Variants in PEBP4 observed in about 807,000 individuals in gnomAD.
The protein encoded by PEBP4 is phosphatidylethanolamine-binding protein 4.
A neutral mutation model predicts 23.9 loss-of-function variants in PEBP4; 22 were observed. The ratio of observed to expected loss-of-function variants is 0.92; its 90% CI spans 0.66 to 1.31. The LOEUF is 1.31. Ranked by LOEUF, PEBP4 falls within the 40% of genes most tolerant of loss-of-function variation. PEBP4 has a pLI of 0.00. For synonymous variants in PEBP4, 112 were observed against 99.3 expected (o/e 1.13, Z -0.76); for missense variants, 324 against 281.7 (o/e 1.15, Z -1.07).
chr8:22,747,948 C>A (rs751935706), intron 4 of PEBP4, among the ~76,000 whole-genome samples: 4 of 152,176 alleles, frequency 2.6e-5, no homozygotes, highest in African/African-American at 4.8e-5. Flanking sequence ...TGGGTCCTGG[C>A]GCTGGAGGAG....
intron 3 of PEBP4, chr8:22,886,716 C>T (rs1170792455): frequency 6.6e-6 from 1 of 152,398 alleles, no homozygotes; most frequent in Non-Finnish European, 1.5e-5. Flanking sequence ...ACTCCTCACA[C>T]AGCAGCAACA....
At chr8:22,868,442 G>C (rs1364667616) in intron 3 of PEBP4, among the ~76,000 whole-genome samples, 1 of 152,040 alleles carries the variant, frequency 6.6e-6, no homozygotes, top group African/African-American at 2.4e-5. Flanking sequence ...GTAAGTCCTG[G>C]GTAGAGGTAG....
chr8:22,893,633 TAAC>T (rs1808538038), intron 3 of PEBP4, among the ~76,000 whole-genome samples: 1 of 152,184 alleles, frequency 6.6e-6, no homozygotes, highest in Non-Finnish European at 1.5e-5. Flanking sequence ...TTTGAAGAGA[TAAC>T]AATTTCATTG....
At chr8:22,930,278 G>A (rs1809434424), upstream of PEBP4, among the ~76,000 whole-genome samples, 1 of 152,314 alleles carries the variant, frequency 6.6e-6, no homozygotes, top group East Asian at 1.9e-4. Flanking sequence ...GGGGGTAGCT[G>A]AAATGTCGTT....
intron 3 of PEBP4, among the ~76,000 whole-genome samples, chr8:22,908,012 CA>C (rs35883467): frequency 0.085 from 11,827 of 139,864 alleles, 771 homozygotes; most frequent in African/African-American, 0.19. Flanking sequence ...GACCCTGTCT[CA>C]AAAAAAAAAA....
intron 4 of PEBP4, among the ~76,000 whole-genome samples, chr8:22,812,036 C>G (rs1162651644): frequency 6.6e-6 from 1 of 152,202 alleles, no homozygotes; most frequent in Non-Finnish European, 1.5e-5. Context: ...TTATCATGCC[C>G]ATTTTAATGA....
rs148545111 is a variant in PEBP4, at chr8:22,804,535, G to C, written c.357+13102C>G. On this transcript the variant is annotated intron_variant, in intron 4 of 6. Transcript: ENST00000256404. ...GATCCACCCTCTTTACAGTTTTTAA[G>C]TGTACAGTATGGTACTACTAAGTAT... 2.8e-3 allele frequency among the ~76,000 whole-genome samples: 431 copies of C among 151,890 alleles called. 1 individual carries two copies. Among genetic ancestry groups the C allele is most frequent in the Admixed American group, 6.8e-3 (103 of 15,226 alleles).
intron 3 of PEBP4, among the ~76,000 whole-genome samples, chr8:22,888,207 G>A (rs931398268): frequency 7.4e-5 from 11 of 148,554 alleles, no homozygotes; most frequent in Non-Finnish European, 1.6e-4. Flanking sequence ...AGGCTGGAGT[G>A]CAGTGGTATG....
At chr8:22,940,400 T>C (rs1325787947) in intron 1 of PEBP4, among the ~76,000 whole-genome samples, 2 of 151,920 alleles carry the variant, frequency 1.3e-5, no homozygotes, top group Admixed American at 6.6e-5. Context: ...AGAAACGCCA[T>C]GAAGAAAGTC....
Position 22,724,882 on chromosome 8 carries a change from T to C in PEBP4, c.478A>G (p.Lys160Glu), listed in dbSNP as rs1276872024. The change falls in exon 6 of 7, where the codon AAA becomes GAA. Residue 160 changes from lysine (K) to glutamate (E), a missense_variant. Lys to Glu is a moderately conservative substitution (Grantham distance 56). Transcript: ENST00000256404. Reference protein sequence around the residue: ...YQFFVYLQEGKVISLLPKENK... With the variant: ...YQFFVYLQEGEVISLLPKENK... ...TCCTTGGGAAGGAGAGAGATGACTT[T>C]TCCTTCCTGAAGATAGACAAAGAAC... 6.2e-7 allele frequency: 1 copy of C among 1,614,138 alleles called. No homozygotes were observed. Among genetic ancestry groups the C allele is most frequent in the Admixed American group, 1.7e-5 (1 of 60,024 alleles).
At chr8:22,726,204 TC>T (rs1804621277) in intron 5 of PEBP4, among the ~76,000 whole-genome samples, 1 of 152,148 alleles carries the variant, frequency 6.6e-6, no homozygotes, top group African/African-American at 2.4e-5. Flanking sequence ...GAGCATTTCT[TC>T]CTAAACACCG....
At chr8:22,732,432 T>A (rs1314427542) in intron 4 of PEBP4, among the ~76,000 whole-genome samples, 1 of 152,010 alleles carries the variant, frequency 6.6e-6, no homozygotes, top group African/African-American at 2.4e-5. Flanking sequence ...AGGGAGAACA[T>A]CAGGATAAAT....
chr8:22,830,113 T>TTGTGTGTGTGTGTGTGTGTGTGTG (rs3060706), intron 3 of PEBP4, among the ~76,000 whole-genome samples: 63 of 144,242 alleles, frequency 4.4e-4, no homozygotes, highest in African/African-American at 1.4e-3. Context: ...GGCTGTGGTT[T>TTGTGTGTGTGTGTGTGTGTGTGTG]TGTGTGTGTG....
intron 4 of PEBP4, among the ~76,000 whole-genome samples, chr8:22,795,119 A>ATG (rs386412296): frequency 0.053 from 6,857 of 128,210 alleles, 235 homozygotes; most frequent in African/African-American, 0.082. Flanking sequence ...TTTTATATAT[A>ATG]TGTGTGTATA....
intron 6 of PEBP4, among the ~76,000 whole-genome samples, chr8:22,722,201 G>T (rs1039926673): frequency 6.6e-6 from 1 of 151,406 alleles, no homozygotes; most frequent in African/African-American, 2.4e-5. Flanking sequence ...AAAATCTATG[G>T]TTTCTCCAAC....
chr8:22,856,593 T>C (rs1229560638), intron 3 of PEBP4, among the ~76,000 whole-genome samples: 1 of 152,130 alleles, frequency 6.6e-6, no homozygotes. Flanking sequence ...GGTGCATGCC[T>C]ATAATCTCAG....
intron 6 of PEBP4, among the ~76,000 whole-genome samples, chr8:22,723,860 TG>T (rs1804568703): frequency 6.6e-6 from 1 of 152,174 alleles, no homozygotes; most frequent in African/African-American, 2.4e-5. Flanking sequence ...TGTGCCTTTC[TG>T]GGCTCCATGT....
At chr8:22,880,058 T>C (rs1264827596) in intron 3 of PEBP4, among the ~76,000 whole-genome samples, 1 of 151,998 alleles carries the variant, frequency 6.6e-6, no homozygotes, top group African/African-American at 2.4e-5. Context: ...TGGCTTCAAG[T>C]GGGAATAGCT....
chr8:22,886,161 G>C (rs563942182), intron 3 of PEBP4: 3 of 152,180 alleles, frequency 2.0e-5, no homozygotes, highest in African/African-American at 7.2e-5. Flanking sequence ...ATGAGTAAGC[G>C]TTTCTTCCCA....
Sources: gnomAD v4.1 joint callset for allele counts (sites outside exome capture counted in the v4.1 genomes callset) on GRCh38, gnomAD v4.1.1 for gene constraint, MANE v1.5 for transcripts, NCBI Gene and HGNC (gene_info 2026-07-23, HGNC 2026-07-21) for gene names.